The following RIPOR3 variants were observed in gnomAD, a reference collection of about 807,000 sequenced individuals.
RIPOR3 encodes family with sequence similarity 65 member C.
A neutral mutation model predicts 114.3 loss-of-function variants in RIPOR3; 95 were observed. The ratio of observed to expected loss-of-function variants is 0.83; its 90% confidence interval spans 0.70 to 0.99. The LOEUF is 0.99. Ranked by LOEUF, RIPOR3 falls within the 50% of genes least tolerant of loss-of-function variation. The probability of loss-of-function intolerance (pLI) is 0.00; values close to 1 mark genes in which losing one functional copy is unlikely to be tolerated. For synonymous variants in RIPOR3, 575 were observed against 543.8 expected (o/e 1.06, Z -0.80); for missense variants, 1,252 against 1,266.9 (o/e 0.99, Z 0.18).
intron 1 of RIPOR3, among the ~76,000 whole-genome samples, chr20:50,679,114 A>T (rs1356215846): frequency 1.5e-5 from 1 of 66,328 alleles, no homozygotes; most frequent in African/African-American, 5.3e-5. Flanking sequence ...CAAAAAAAAA[A>T]AAAAAAAAAA....
Position 50,684,135 on chromosome 20 carries a change from T to C in RIPOR3, c.3+6991A>G, listed in dbSNP as rs527901751. On this transcript the variant is annotated intron_variant, in intron 1 of 21. Transcript: ENST00000327979. Reference sequence around the variant, plus strand: ...AAACTCACATTCCAGCAGGGGACACTTAAGAAAATAAGAATATATATGTAT... The same window carrying C: ...AAACTCACATTCCAGCAGGGGACACCTAAGAAAATAAGAATATATATGTAT... Among the ~76,000 whole-genome samples the C allele has an allele frequency of 1.6e-4, 25 of 151,850 alleles. No homozygotes were observed. The East Asian group carries it at 1.9e-3, about 12-fold the overall frequency.
At chr20:50,626,448 C>T (rs1210315032) in intron 2 of RIPOR3, among the ~76,000 whole-genome samples, 3 of 152,222 alleles carry the variant, frequency 2.0e-5, no homozygotes, top group African/African-American at 7.2e-5. Flanking sequence ...TGACGGCCAG[C>T]GAGCCCTGGT....
At chr20:50,679,641 C>T (rs2123596775) in intron 1 of RIPOR3, among the ~76,000 whole-genome samples, 1 of 151,018 alleles carries the variant, frequency 6.6e-6, no homozygotes, top group African/African-American at 2.4e-5. Flanking sequence ...TGGTGGCGCT[C>T]ACCTGTAGTC....
At chr20:50,650,568 TG>T (rs1289840918) in intron 1 of RIPOR3, among the ~76,000 whole-genome samples, 1 of 152,188 alleles carries the variant, frequency 6.6e-6, no homozygotes, top group African/African-American at 2.4e-5. Flanking sequence ...CCTCCCAAAG[TG>T]TTGGGATTAC....
rs563963175 is a variant in RIPOR3, at chr20:50,636,919, G to T, written c.4-6063C>A. The T allele has an allele frequency of 4.1e-5, 40 of 985,354 alleles. No homozygotes were observed. The South Asian group carries it at 1.7e-3, about 43-fold the overall frequency. The allele number at this position is 985,354 out of a possible 1,614,324, so 61.0% of individuals were successfully genotyped here. A position where few individuals can be genotyped will look rare whatever the true frequency, so the allele number is the denominator to read the frequency against. The stretch of plus-strand genomic sequence containing the variant: ...GCTTTTGGGGCTGGGTGGCTTTTAT[G>T]CCTGAGTCCCTCACTTAGGGCTCCT... On this transcript the variant is annotated intron_variant, in intron 1 of 21. Coordinates refer to ENST00000327979, the MANE Select transcript of RIPOR3 (RefSeq NM_001290268.2).
intron 4 of RIPOR3, among the ~76,000 whole-genome samples, chr20:50,614,225 G>A (rs1282508063): frequency 6.6e-6 from 1 of 152,116 alleles, no homozygotes; most frequent in Non-Finnish European, 1.5e-5. Flanking sequence ...TAGTACAGAT[G>A]GGGTTTCACC....
intron 3 of RIPOR3, 68 bp from the exon 4 acceptor site, chr20:50,616,148 T>TG: frequency 6.7e-7 from 1 of 1,495,200 alleles, no homozygotes; most frequent in Non-Finnish European, 9.1e-7. Context: ...GTAGGCCAAA[T>TG]GGACAATGTC....
intron 2 of RIPOR3, among the ~76,000 whole-genome samples, chr20:50,630,515 G>T (rs538406249): frequency 6.6e-6 from 1 of 152,188 alleles, no homozygotes; most frequent in African/African-American, 2.4e-5. Context: ...TCAAGGAAAT[G>T]ATAGGTTTAT....
intron 18 of RIPOR3, 72 bp from the exon 19 acceptor site, chr20:50,592,618 G>A (rs1034424046): frequency 7.6e-7 from 1 of 1,321,178 alleles, no homozygotes; most frequent in African/African-American, 1.5e-5. Context: ...AAGTTTGCTT[G>A]GCTGCTGCCA....
At position 50,608,700 on chromosome 20, in the gene RIPOR3, C is replaced by T; in HGVS notation, c.723G>A (p.Lys241=). Residue 241 remains lysine (K), a synonymous_variant, in exon 10 of 22, where the codon AAG becomes AAA. Coordinates refer to ENST00000327979, the MANE Select transcript of RIPOR3 (RefSeq NM_001290268.2). ...MRLGRQRWKL[K]GRIESDDSQT... is the part of the protein sequence containing the mutation. ...GGCTGTCATCTGACTCGATCCGACC[C>T]TTGAGCTTCCAACGCTGGCGGCCCA... is the stretch of plus-strand genomic sequence containing the variant. 1.2e-6 allele frequency: 2 copies of T among 1,614,070 alleles called. No individual in the cohort carries two copies. Among genetic ancestry groups the T allele is most frequent in the South Asian group, 1.1e-5 (1 of 91,082 alleles).
chr20:50,644,340 T>A (rs932617523), intron 1 of RIPOR3, among the ~76,000 whole-genome samples: 6 of 152,212 alleles, frequency 3.9e-5, no homozygotes, highest in Non-Finnish European at 2.9e-5. Context: ...AAAATAGATA[T>A]GTTAATTCTA....
At chr20:50,685,362 G>C (rs1273404366) in intron 1 of RIPOR3, among the ~76,000 whole-genome samples, 1 of 151,482 alleles carries the variant, frequency 6.6e-6, no homozygotes, top group Non-Finnish European at 1.5e-5. Flanking sequence ...GATTACAGGA[G>C]CCCGCCACTG....
At chr20:50,593,525 T>G (rs887194083) in intron 17 of RIPOR3, among the ~76,000 whole-genome samples, 1 of 151,724 alleles carries the variant, frequency 6.6e-6, no homozygotes, top group Non-Finnish European at 1.5e-5. Flanking sequence ...GAGCCAAGAT[T>G]GCGCCACTGC....
In RIPOR3 at chr20:50,592,527, A is replaced by T. The variant is rs1454447458; in HGVS notation, c.2394T>A (p.Leu798=). 6.4e-7 allele frequency: 1 copy of T among 1,572,740 alleles called. No individual in the cohort carries two copies. The highest frequency in any genetic ancestry group is 1.2e-5 in the South Asian group (1 of 86,670). The change falls in exon 19 of 22, where the codon CTT becomes CTA. Residue 798 remains leucine (L), a synonymous_variant. Coordinates refer to ENST00000327979, the MANE Select transcript of RIPOR3 (RefSeq NM_001290268.2). ...LTKEVTLIEE[L]HCAGQAKVVR... ...CCACCTTGGCCTGTCCCGCACAGTG[A>T]AGCTCCTCGATGAGTGTCACTAGAA...
chr20:50,612,010 G>A (rs1346480190), intron 4 of RIPOR3, among the ~76,000 whole-genome samples: 1 of 151,780 alleles, frequency 6.6e-6, no homozygotes, highest in Non-Finnish European at 1.5e-5. Flanking sequence ...TGTAATCCCA[G>A]CTACTTGCCA....
At chr20:50,595,170 G>A in intron 16 of RIPOR3, 199 bp downstream of exon 16, 1 of 653,256 alleles carries the variant, frequency 1.5e-6, no homozygotes, top group Non-Finnish European at 2.7e-6. Flanking sequence ...GCTGACTGAA[G>A]AGTGTGCTGC....
chr20:50,681,275 G>GAAAAAAAA (rs34596961), intron 1 of RIPOR3, among the ~76,000 whole-genome samples: 3 of 135,142 alleles, frequency 2.2e-5, no homozygotes, highest in African/African-American at 8.4e-5. Context: ...TAAGGCACTA[G>GAAAAAAAA]AAAAAAAAAA....
chr20:50,626,026 C>T (rs1002576140), intron 2 of RIPOR3, among the ~76,000 whole-genome samples: 1 of 152,178 alleles, frequency 6.6e-6, no homozygotes, highest in South Asian at 2.1e-4. Flanking sequence ...ATCAGCCCAC[C>T]CTCTCCATGC....
intron 1 of RIPOR3, among the ~76,000 whole-genome samples, chr20:50,680,530 T>C (rs2086822799): frequency 6.6e-6 from 1 of 152,244 alleles, no homozygotes; most frequent in South Asian, 2.1e-4. Flanking sequence ...TAAACATGCT[T>C]TATCCCAGAG....
Sources: gnomAD v4.1 joint callset for allele counts (sites outside exome capture counted in the v4.1 genomes callset) on GRCh38, gnomAD v4.1.1 for gene constraint, MANE v1.5 for transcripts, NCBI Gene and HGNC (gene_info 2026-07-23, HGNC 2026-07-21) for gene names.